FARS2: variants seen among roughly 807,000 people sequenced by gnomAD.
FARS2 encodes the protein phenylalanine--tRNA ligase, mitochondrial.
FARS2 carries 40 observed loss-of-function variants against 46.4 expected under a neutral mutation model. That is an observed-to-expected ratio of 0.86 (90% CI 0.67 to 1.12). The LOEUF (loss-of-function observed/expected upper bound fraction) is 1.12, where lower values mean the gene tolerates loss of function less well. FARS2 is among the 50% of genes most tolerant of loss of function. The pLI is 0.00. For missense variants in FARS2, 513 were observed against 567.9 expected (o/e 0.90, Z 0.98); for synonymous variants, 234 against 214.9 (o/e 1.09, Z -0.78).
chr6:5,309,611 A>G (rs991894985), intron 1 of FARS2, among the ~76,000 whole-genome samples: 8 of 152,358 alleles, frequency 5.3e-5, no homozygotes, highest in African/African-American at 1.7e-4. Context: ...TGACAGCCAA[A>G]ATAATAAAAT....
At chr6:5,400,088 G>A (rs1761164622) in intron 2 of FARS2, among the ~76,000 whole-genome samples, 1 of 152,264 alleles carries the variant, frequency 6.6e-6, no homozygotes, top group East Asian at 1.9e-4. Flanking sequence ...CACCAGCAAA[G>A]TATGACTGTA....
chr6:5,726,685 T>C (rs1283162542), intron 6 of FARS2, among the ~76,000 whole-genome samples: 1 of 152,200 alleles, frequency 6.6e-6, no homozygotes, highest in African/African-American at 2.4e-5. Context: ...CAGCCATTGT[T>C]TTAGCAGAGA....
At chr6:5,532,283 G>A (rs1769892481) in intron 4 of FARS2, among the ~76,000 whole-genome samples, 1 of 152,214 alleles carries the variant, frequency 6.6e-6, no homozygotes, top group East Asian at 1.9e-4. Context: ...TCTACTGGGT[G>A]TAAACTTAAA....
chr6:5,740,262 A>G (rs931046234), intron 6 of FARS2, among the ~76,000 whole-genome samples: 2 of 152,212 alleles, frequency 1.3e-5, no homozygotes, highest in African/African-American at 4.8e-5. Context: ...AAGGCATGAT[A>G]AAATACACAC....
intron 4 of FARS2, among the ~76,000 whole-genome samples, chr6:5,442,889 A>G (rs536283452): frequency 6.6e-6 from 1 of 152,320 alleles, no homozygotes; most frequent in Non-Finnish European, 1.5e-5. Context: ...TTACTGTAAT[A>G]AAAATAAAGG....
chr6:5,296,494 C>T (rs761926214), intron 1 of FARS2, among the ~76,000 whole-genome samples: 2 of 152,094 alleles, frequency 1.3e-5, no homozygotes, highest in African/African-American at 4.8e-5. Flanking sequence ...CATTTATGGT[C>T]TCATGTAACC....
chr6:5,341,559 C>T (rs537917082), intron 1 of FARS2, among the ~76,000 whole-genome samples: 4 of 151,474 alleles, frequency 2.6e-5, no homozygotes, highest in African/African-American at 9.7e-5. Flanking sequence ...CGCTCTGTTG[C>T]CCAGGCTGGA....
At chr6:5,322,769 T>C (rs1227004255) in intron 1 of FARS2, among the ~76,000 whole-genome samples, 1 of 152,146 alleles carries the variant, frequency 6.6e-6, no homozygotes, top group Non-Finnish European at 1.5e-5. Flanking sequence ...TTCCTCTGTA[T>C]GGTGTTTATT....
At chr6:5,700,545 G>A (rs572736913) in intron 6 of FARS2, among the ~76,000 whole-genome samples, 8 of 152,114 alleles carry the variant, frequency 5.3e-5, no homozygotes, top group South Asian at 4.2e-4. Context: ...ATACAGGTGC[G>A]CACCACCATG....
At chr6:5,536,504 A>T (rs1156309712) in intron 4 of FARS2, among the ~76,000 whole-genome samples, 1 of 152,216 alleles carries the variant, frequency 6.6e-6, no homozygotes, top group Non-Finnish European at 1.5e-5. Context: ...AAAAAAGCAG[A>T]ACCCTATAAG....
At chr6:5,683,936 C>T (rs1328173940) in intron 6 of FARS2, among the ~76,000 whole-genome samples, 1 of 152,212 alleles carries the variant, frequency 6.6e-6, no homozygotes, top group Admixed American at 6.5e-5. Context: ...TGTGTTGCTG[C>T]AGAAGACATG....
the FARS2 span, among the ~76,000 whole-genome samples, chr6:5,254,932 G>A: frequency 1.4e-4 from 21 of 152,152 alleles, no homozygotes; most frequent in Admixed American, 1.3e-4. Flanking sequence ...AGCAATTTAC[G>A]CACTTCTGAT....
At chr6:5,421,345 G>T (rs959388379) in intron 3 of FARS2, among the ~76,000 whole-genome samples, 1 of 152,154 alleles carries the variant, frequency 6.6e-6, no homozygotes, top group Non-Finnish European at 1.5e-5. Flanking sequence ...CTTTTTCCTT[G>T]TAGGCCTCCA....
chr6:5,404,715 C>T lies in FARS2; in HGVS notation c.772+14C>T, dbSNP rs763500245. ...TTTTTGGAGATGGTAAGTGCTCAAA[C>T]ACAGGTTGACGATCTCTTATCTGAA... is the stretch of plus-strand genomic sequence containing the variant. On this transcript the variant is annotated intron_variant, in intron 3 of 6. Coordinates refer to ENST00000274680, the MANE Select transcript of FARS2 (RefSeq NM_006567.5). 6.5e-7 allele frequency: 1 copy of T among 1,544,580 alleles called. No individual in the cohort carries two copies. Among genetic ancestry groups the T allele is most frequent in the South Asian group, 1.3e-5 (1 of 79,278 alleles).
chr6:5,301,194 C>T (rs890112420), intron 1 of FARS2, among the ~76,000 whole-genome samples: 1 of 152,064 alleles, frequency 6.6e-6, no homozygotes, highest in South Asian at 2.1e-4. Flanking sequence ...TGGTTAGTTA[C>T]CTATGTCACT....
At chr6:5,421,322 G>A (rs1016020439) in intron 3 of FARS2, among the ~76,000 whole-genome samples, 1 of 152,194 alleles carries the variant, frequency 6.6e-6, no homozygotes, top group Non-Finnish European at 1.5e-5. Flanking sequence ...CCTGGGCCTG[G>A]CTCATGAAAC....
chr6:5,315,821 G>A (rs534921789), intron 1 of FARS2, among the ~76,000 whole-genome samples: 7 of 146,934 alleles, frequency 4.8e-5, no homozygotes, highest in Non-Finnish European at 1.1e-4. Context: ...GTGATGCGCT[G>A]CTTATAAATG....
chr6:5,396,973 G>A (rs1427854167), intron 2 of FARS2, among the ~76,000 whole-genome samples: 3 of 152,168 alleles, frequency 2.0e-5, no homozygotes, highest in Non-Finnish European at 4.4e-5. Flanking sequence ...ACCATCCTGT[G>A]TGAAAATCAG....
intron 5 of FARS2, among the ~76,000 whole-genome samples, chr6:5,558,725 G>A (rs1771814727): frequency 1.3e-5 from 2 of 151,656 alleles, no homozygotes; most frequent in African/African-American, 4.9e-5. Flanking sequence ...TTTATTTTTT[G>A]TATTTTTAGT....
Sources: allele counts gnomAD v4.1 joint callset (sites outside exome capture counted in the v4.1 genomes callset), GRCh38; gene constraint gnomAD v4.1.1; transcripts MANE v1.5; gene names NCBI Gene and HGNC (gene_info 2026-07-23, HGNC 2026-07-21).